RALYL: variants seen among roughly 807,000 people sequenced by gnomAD.
RALYL encodes RNA-binding Raly-like protein.
In RALYL, 29 loss-of-function variants were observed where a neutral mutation model predicts 35.1. That is an observed-to-expected ratio of 0.83 (90% confidence interval 0.61 to 1.13). RALYL has a LOEUF of 1.13. Ranked by LOEUF, RALYL falls within the 50% of genes most tolerant of loss-of-function variation. The pLI, the probability that RALYL is intolerant of heterozygous loss-of-function variation, is 0.00. For synonymous variants in RALYL, 120 were observed against 127.6 expected (o/e 0.94, Z 0.40); for missense variants, 359 against 360.4 (o/e 1.00, Z 0.03).
chr8:84,621,459 G>A (rs1311280350), intron 2 of RALYL, among the ~76,000 whole-genome samples: 1 of 152,064 alleles, frequency 6.6e-6, no homozygotes, highest in African/African-American at 2.4e-5. Context: ...TTCGGCTGGC[G>A]CACAGTGCAC....
At chr8:84,548,338 T>G (rs1415173119) in intron 2 of RALYL, among the ~76,000 whole-genome samples, 3 of 152,196 alleles carry the variant, frequency 2.0e-5, no homozygotes, top group South Asian at 2.1e-4. Context: ...TGTCGCATGT[T>G]TACAGATACC....
At chr8:84,530,933 G>A (rs1296089070) in intron 2 of RALYL, among the ~76,000 whole-genome samples, 1 of 152,102 alleles carries the variant, frequency 6.6e-6, no homozygotes, top group African/African-American at 2.4e-5. Flanking sequence ...CCTCTGCTCA[G>A]ACAACAGGTC....
Position 84,628,493 on chromosome 8 carries a change from A to G in RALYL, c.256+98916A>G, listed in dbSNP as rs545476609. On this transcript the variant is annotated intron_variant, in intron 2 of 8. Transcript: ENST00000521268. ...AGGGTAGACAAACTTACTTTTACCTACTACATTATTTAAGTCCTACAGAGT... is the reference window on the plus strand; with the variant it reads ...AGGGTAGACAAACTTACTTTTACCTGCTACATTATTTAAGTCCTACAGAGT... Among the ~76,000 whole-genome samples the G allele has an allele frequency of 3.9e-5, 6 of 152,224 alleles. No homozygotes were observed. In the South Asian group the frequency reaches 6.2e-4, roughly 16 times the overall value.
intron 1 of RALYL, among the ~76,000 whole-genome samples, chr8:84,186,462 T>C (rs73688415): frequency 0.023 from 3,529 of 152,262 alleles, 147 homozygotes; most frequent in African/African-American, 0.079. Flanking sequence ...TTTTATGTAT[T>C]GTAAGTCGTT....
chr8:84,834,204 T>C (rs927109370), intron 4 of RALYL, among the ~76,000 whole-genome samples: 12 of 152,076 alleles, frequency 7.9e-5, no homozygotes, highest in African/African-American at 2.9e-4. Flanking sequence ...ACACAAAACA[T>C]GCAAAATACA....
chr8:84,593,990 G>C (rs1273979803), intron 2 of RALYL, among the ~76,000 whole-genome samples: 4 of 151,980 alleles, frequency 2.6e-5, no homozygotes, highest in Non-Finnish European at 5.9e-5. Flanking sequence ...ACTCATAGTA[G>C]CATTTGTGTC....
rs183267016 is a variant in RALYL at position 84,262,935 on chromosome 8, G to A, written c.-24+78511G>A. On this transcript the variant is annotated intron_variant, in intron 1 of 8. Transcript: ENST00000521268. ...GGTAATGGTCAAATCAATTGGAAAG[G>A]TACCTGTTGAGAAGTGTCTCTAGTT... Among the ~76,000 whole-genome samples, 329 of 152,222 alleles carry A rather than the reference G, an allele frequency of 2.2e-3. 1 individual carries two copies. Among genetic ancestry groups the A allele is most frequent in the Non-Finnish European group, 1.7e-3 (116 of 67,998 alleles).
intron 2 of RALYL, among the ~76,000 whole-genome samples, chr8:84,546,664 C>T (rs568750526): frequency 7.9e-5 from 12 of 152,168 alleles, no homozygotes; most frequent in African/African-American, 2.4e-4. Flanking sequence ...TAGTTGTTTA[C>T]TTTTTTGGAG....
intron 6 of RALYL, chr8:84,864,834 G>C (rs1162797418): frequency 8.6e-6 from 5 of 580,912 alleles, no homozygotes; most frequent in African/African-American, 7.4e-5. Flanking sequence ...GTCATGGTCA[G>C]TCACATCCCA....
intron 1 of RALYL, among the ~76,000 whole-genome samples, chr8:84,395,356 A>T (rs866696345): frequency 4.0e-5 from 6 of 151,854 alleles, no homozygotes; most frequent in African/African-American, 9.6e-5. Context: ...TAAAACATAA[A>T]TTTTTCCTTG....
In RALYL at chr8:84,814,928, G is replaced by A. The variant is rs189463309; in HGVS notation, c.365+10126G>A. Among the ~76,000 whole-genome samples, 239 of 152,338 alleles carry A rather than the reference G, an allele frequency of 1.6e-3. 1 individual carries two copies. The highest frequency in any genetic ancestry group is 5.6e-3 in the African/African-American group (231 of 41,570). On this transcript the variant is annotated intron_variant, in intron 4 of 8. Transcript: ENST00000521268. ...TTGCACAGGTAGATCAACAGATGCA[G>A]TGTTTTCCAACGCTACCTAGGTGAT...
chr8:84,430,138 C>T (rs1247058884), intron 1 of RALYL, among the ~76,000 whole-genome samples: 1 of 151,906 alleles, frequency 6.6e-6, no homozygotes, highest in African/African-American at 2.4e-5. Context: ...AAACAACTTG[C>T]TAGTTATATT....
At chr8:84,529,264 A>G in intron 1 of RALYL, 35 bp from the exon 2 acceptor site, 1 of 1,543,490 alleles carries the variant, frequency 6.5e-7, no homozygotes. Context: ...TTACCTTTTG[A>G]TTATTTGTTT....
At chr8:84,560,691 A>G (rs1431225403) in intron 2 of RALYL, among the ~76,000 whole-genome samples, 1 of 151,944 alleles carries the variant, frequency 6.6e-6, no homozygotes, top group Non-Finnish European at 1.5e-5. Flanking sequence ...GTGGCAAATG[A>G]TACTGGAGAC....
chr8:84,675,090 T>C (rs1833939605), intron 2 of RALYL, among the ~76,000 whole-genome samples: 1 of 152,150 alleles, frequency 6.6e-6, no homozygotes, highest in African/African-American at 2.4e-5. Flanking sequence ...TTTTAAACCA[T>C]AAAACCCATA....
Position 84,304,096 on chromosome 8 carries a change from AT to A in RALYL, c.-24+119678del, listed in dbSNP as rs531896970. 3.3e-3 allele frequency among the ~76,000 whole-genome samples: 502 copies of A among 152,020 alleles called. 4 individuals are homozygous for A. Among genetic ancestry groups the A allele is most frequent in the African/African-American group, 0.012 (490 of 41,502 alleles). ...TAAAATATAAAACTCATATTTCATTATTTTTTAAAGTTTTGTTTGTTTATTT... is the reference window on the plus strand; with the variant it reads ...TAAAATATAAAACTCATATTTCATTATTTTTAAAGTTTTGTTTGTTTATTT... On this transcript the variant is annotated intron_variant, in intron 1 of 8. Transcript: ENST00000521268.
intron 1 of RALYL, among the ~76,000 whole-genome samples, chr8:84,428,106 T>TCA (rs869249552): frequency 0.035 from 4,471 of 127,232 alleles, 105 homozygotes; most frequent in African/African-American, 0.068. Flanking sequence ...TCTCTCTCTC[T>TCA]CACACACACA....
At chr8:84,428,089 C>G (rs1387549758) in intron 1 of RALYL, among the ~76,000 whole-genome samples, 2 of 129,254 alleles carry the variant, frequency 1.5e-5, no homozygotes, top group Admixed American at 7.9e-5. Context: ...CTCTCTCTCT[C>G]TCTCTCTCTC....
intron 2 of RALYL, among the ~76,000 whole-genome samples, chr8:84,638,999 C>T (rs1825757812): frequency 1.4e-5 from 2 of 137,974 alleles, no homozygotes. Context: ...CACACACACA[C>T]ACAGATGGGA....
Sources: gnomAD v4.1 joint callset for allele counts (sites outside exome capture counted in the v4.1 genomes callset) on GRCh38, gnomAD v4.1.1 for gene constraint, MANE v1.5 for transcripts, NCBI Gene and HGNC (gene_info 2026-07-23, HGNC 2026-07-21) for gene names.